SUMF1: variants seen among roughly 807,000 people sequenced by gnomAD.
SUMF1 encodes the protein sulfatase modifying factor 1, also known as formylglycine-generating enzyme.
In SUMF1, 48 loss-of-function variants were observed where a neutral mutation model predicts 47.6. The observed-to-expected ratio is 1.01, with a 90% CI of 0.80 to 1.28. The LOEUF (loss-of-function observed/expected upper bound fraction) is 1.28. SUMF1 is among the 50% of genes most tolerant of loss of function. SUMF1 has a pLI of 0.00. For missense variants in SUMF1, 571 were observed against 485.4 expected (o/e 1.18, Z -1.66); for synonymous variants, 230 against 192.1 (o/e 1.20, Z -1.63).
chr3:4,090,199 C>T (rs1692755378), intron 8 of SUMF1, among the ~76,000 whole-genome samples: 2 of 152,004 alleles, frequency 1.3e-5, no homozygotes, highest in African/African-American at 4.8e-5. Context: ...CTGCTTCATT[C>T]AACATTGTTT....
intron 8 of SUMF1, among the ~76,000 whole-genome samples, chr3:4,119,619 T>C (rs1693494904): frequency 6.6e-6 from 1 of 152,112 alleles, no homozygotes; most frequent in African/African-American, 2.4e-5. Context: ...TCTTCTTCAG[T>C]GTTCCCAATA....
chr3:4,194,798 G>A (rs933167828), intron 8 of SUMF1, among the ~76,000 whole-genome samples: 5 of 151,982 alleles, frequency 3.3e-5, no homozygotes, highest in African/African-American at 9.7e-5. Flanking sequence ...CCATTAATAC[G>A]GTCAATACAG....
intron 8 of SUMF1, among the ~76,000 whole-genome samples, chr3:4,258,381 T>C (rs988077839): frequency 2.8e-5 from 4 of 142,984 alleles, no homozygotes; most frequent in Admixed American, 2.1e-4. Context: ...AGGGCTAATA[T>C]CCAGAATCTA....
chr3:4,456,773 C>CGTGTGTGTGTGTATATACGTGTAT (rs369002229), intron 1 of SUMF1, among the ~76,000 whole-genome samples: 1 of 4,062 alleles, frequency 2.5e-4, no homozygotes, highest in Admixed American at 2.4e-3. Flanking sequence ...TATATATACA[C>CGTGTGTGTGTGTATATACGTGTAT]ATATATACGT....
intron 8 of SUMF1, among the ~76,000 whole-genome samples, chr3:4,242,021 G>C (rs1050581633): frequency 6.6e-6 from 1 of 152,106 alleles, no homozygotes; most frequent in African/African-American, 2.4e-5. Flanking sequence ...GCTTGGAAAG[G>C]AAAAGGGAAG....
chr3:4,176,163 A>G (rs151181690), intron 8 of SUMF1, among the ~76,000 whole-genome samples: 184 of 152,314 alleles, frequency 1.2e-3, no homozygotes, highest in African/African-American at 3.9e-3. Context: ...ACAGGCCAAC[A>G]TTCAAATTCA....
At chr3:4,201,559 T>C (rs1384290702) in intron 8 of SUMF1, among the ~76,000 whole-genome samples, 1 of 152,130 alleles carries the variant, frequency 6.6e-6, no homozygotes, top group East Asian at 1.9e-4. Context: ...TGGAAACAGG[T>C]TGATTGCAAA....
At position 4,156,513 on chromosome 3, in the gene SUMF1, T is replaced by C. The variant is rs1478673679; in HGVS notation, c.1015-87768A>G. Among the ~76,000 whole-genome samples, 3 of 151,654 alleles carry C rather than the reference T, an allele frequency of 2.0e-5. 1 individual carries two copies. Among genetic ancestry groups the C allele is most frequent in the Non-Finnish European group, 4.4e-5 (3 of 68,022 alleles). ...TACACAACTGGAACAGAAAGGCATC[T>C]ATCAATAATTGGTTTTATTCAAACA... On this transcript the variant is annotated intron_variant and NMD_transcript_variant, in intron 8 of 12. Coordinates refer to the SUMF1 transcript ENST00000448413.
intron 3 of SUMF1, among the ~76,000 whole-genome samples, chr3:4,432,007 T>C (rs977661875): frequency 6.6e-6 from 1 of 152,082 alleles, no homozygotes; most frequent in Non-Finnish European, 1.5e-5. Flanking sequence ...GTTCCCAATC[T>C]ATAGCTAAAC....
chr3:4,075,316 A>T (rs576139240), intron 8 of SUMF1, among the ~76,000 whole-genome samples: 1 of 152,236 alleles, frequency 6.6e-6, no homozygotes, highest in African/African-American at 2.4e-5. Flanking sequence ...AACTCTCAAT[A>T]AACTAGGTAT....
chr3:4,188,318 G>A (rs1346380720), intron 8 of SUMF1, among the ~76,000 whole-genome samples: 2 of 152,058 alleles, frequency 1.3e-5, no homozygotes, highest in Non-Finnish European at 2.9e-5. Context: ...TGGGACTACA[G>A]GAGGCAGGGT....
intron 8 of SUMF1, among the ~76,000 whole-genome samples, chr3:4,141,293 G>A (rs1694065280): frequency 6.6e-6 from 1 of 152,094 alleles, no homozygotes. Flanking sequence ...CTGGAGTTAG[G>A]CATTTGTGTA....
At chr3:4,164,345 C>T (rs1817577) in intron 8 of SUMF1, among the ~76,000 whole-genome samples, 52,193 of 151,866 alleles carry the variant, frequency 0.34, 9,141 homozygotes, top group East Asian at 0.4. Flanking sequence ...TAAACGTACC[C>T]GGGGCTCAGT....
intron 8 of SUMF1, among the ~76,000 whole-genome samples, chr3:4,146,157 G>C (rs540767936): frequency 6.6e-6 from 1 of 152,048 alleles, no homozygotes; most frequent in Non-Finnish European, 1.5e-5. Flanking sequence ...GAAAAGAATC[G>C]CACGTGTGTT....
At chr3:4,333,838 T>A (rs1208345373) in intron 8 of SUMF1, among the ~76,000 whole-genome samples, 1 of 151,818 alleles carries the variant, frequency 6.6e-6, no homozygotes, top group Non-Finnish European at 1.5e-5. Context: ...TTTTTTTAAG[T>A]TTTAGCCAGC....
chr3:4,450,125 T>G (rs147957840), intron 2 of SUMF1, among the ~76,000 whole-genome samples: 23 of 152,284 alleles, frequency 1.5e-4, no homozygotes, highest in Non-Finnish European at 3.1e-4. Flanking sequence ...AAACTACATA[T>G]TGCTGCTCCC....
chr3:4,438,114 C>T lies in SUMF1; in HGVS notation c.519+11152G>A, dbSNP rs532173495. Reference sequence around the variant, plus strand: ...GAGAATCTCTATATAATAAAATGTTCAATTCAATGGTAAGACATGCTTTTC... The same window carrying T: ...GAGAATCTCTATATAATAAAATGTTTAATTCAATGGTAAGACATGCTTTTC... On this transcript the variant is annotated intron_variant, in intron 3 of 8. Transcript: ENST00000272902. 5.3e-5 allele frequency among the ~76,000 whole-genome samples: 8 copies of T among 151,802 alleles called. No homozygotes were observed. The South Asian group carries it at 1.7e-3, about 32-fold the overall frequency.
At chr3:4,281,467 T>C (rs775510760) in intron 8 of SUMF1, among the ~76,000 whole-genome samples, 6 of 152,190 alleles carry the variant, frequency 3.9e-5, no homozygotes, top group African/African-American at 1.4e-4. Context: ...GCCATAGATA[T>C]TGATAATTCC....
intron 9 of SUMF1, among the ~76,000 whole-genome samples, chr3:4,059,680 G>T (rs1167106377): frequency 5.3e-5 from 8 of 151,452 alleles, no homozygotes; most frequent in Admixed American, 4.0e-4. Context: ...AACAATTTCT[G>T]CCTTCATGGA....
Sources: allele counts gnomAD v4.1 joint callset (sites outside exome capture counted in the v4.1 genomes callset), GRCh38; gene constraint gnomAD v4.1.1; transcripts MANE v1.5; gene names NCBI Gene and HGNC (gene_info 2026-07-23, HGNC 2026-07-21).